RAP1B: variants seen among roughly 807,000 people sequenced by gnomAD.
The protein encoded by RAP1B is ras-related protein Rap-1b.
A neutral mutation model predicts 27.5 loss-of-function variants in RAP1B; 1 was observed. The ratio of observed to expected loss-of-function variants is 0.04; its 90% CI spans 0.01 to 0.17. The LOEUF (loss-of-function observed/expected upper bound fraction) is 0.17. Among genes scored for constraint, RAP1B ranks in the 10% least tolerant of loss-of-function variants. The probability of loss-of-function intolerance (pLI) is 1.00; values close to 1 mark genes in which losing one functional copy is unlikely to be tolerated. For synonymous variants in RAP1B, 75 were observed against 73.1 expected (o/e 1.03, Z -0.13); for missense variants, 84 against 214.8 (o/e 0.39, Z 3.81).
Position 68,648,694 on chromosome 12 carries a change from A to AT in RAP1B, c.-26-4dup. 6.3e-7 allele frequency: 1 copy of AT among 1,596,778 alleles called. No homozygotes were observed. The highest frequency in any genetic ancestry group is 8.5e-7 in the Non-Finnish European group (1 of 1,171,600). ...GAATTCTTTTTTTTTTTTTCCTTTAATAAGGTACTAGGTTTTGACAAGCTT... is the reference window on the plus strand; with the variant it reads ...GAATTCTTTTTTTTTTTTTCCTTTAATTAAGGTACTAGGTTTTGACAAGCTT... On this transcript the variant is annotated splice_region_variant and splice_polypyrimidine_tract_variant and intron_variant, in intron 1 of 7. Transcript: ENST00000250559.
At chr12:68,628,027 G>C (rs566595124) in intron 1 of RAP1B, among the ~76,000 whole-genome samples, 5 of 152,236 alleles carry the variant, frequency 3.3e-5, no homozygotes, top group African/African-American at 1.2e-4. Flanking sequence ...GATCGCTTGA[G>C]CCCAGGAGTT....
intron 1 of RAP1B, among the ~76,000 whole-genome samples, chr12:68,616,995 G>A (rs117891257): frequency 1.3e-5 from 2 of 152,224 alleles, no homozygotes; most frequent in African/African-American, 2.4e-5. Context: ...AACATGTTTT[G>A]TCTATTTAGT....
intron 2 of RAP1B, chr12:68,650,164 T>C (rs370007068): frequency 3.6e-5 from 10 of 276,934 alleles, no homozygotes; most frequent in South Asian, 2.7e-4. Flanking sequence ...TTTTTTAATA[T>C]ATGATCTCTA....
intron 4 of RAP1B, among the ~76,000 whole-genome samples, 186 bp downstream of exon 4, chr12:68,652,237 G>A (rs1873864939): frequency 6.6e-6 from 1 of 152,138 alleles, no homozygotes; most frequent in African/African-American, 2.4e-5. Flanking sequence ...CTTGAGGTCA[G>A]GAGTTCGAGA....
At chr12:68,658,148 A>G (rs1874361037) in intron 7 of RAP1B, among the ~76,000 whole-genome samples, 2 of 152,168 alleles carry the variant, frequency 1.3e-5, no homozygotes. Context: ...AGAACCTTTG[A>G]CATTCCTGAC....
chr12:68,668,844 G>C lies in RAP1B; in HGVS notation c.*9595G>C, dbSNP rs191157426. The stretch of plus-strand genomic sequence containing the variant: ...AAAGATCTGATAAGCTCTGATAGTT[G>C]GGAAATAATACTAGTTATTTCTTGG... On this transcript the variant is annotated 3_prime_UTR_variant, in exon 8 of 8. Coordinates refer to ENST00000250559, the MANE Select transcript of RAP1B (RefSeq NM_001010942.3). 6.6e-6 allele frequency: 1 copy of C among 152,212 alleles called. No individual in the cohort carries two copies. Among genetic ancestry groups the C allele is most frequent in the East Asian group, 1.9e-4 (1 of 5,180 alleles). 9.4% of individuals were successfully genotyped at this position (152,212 alleles called of 1,614,324 possible). A position where few individuals can be genotyped will look rare whatever the true frequency, so the allele number is the denominator to read the frequency against.
In RAP1B at chr12:68,653,985, T is replaced by A. The variant is rs558614537; in HGVS notation, c.184-127T>A. 4.7e-4 allele frequency: 395 copies of A among 843,838 alleles called. 1 individual carries two copies. The African/African-American group carries it at 6.1e-3, about 13-fold the overall frequency. The allele number at this position is 843,838 out of a possible 1,614,324, so 52.3% of individuals were successfully genotyped here. A position where few individuals can be genotyped will look rare whatever the true frequency, so the allele number is the denominator to read the frequency against. On this transcript the variant is annotated intron_variant, in intron 4 of 7. Transcript: ENST00000250559. ...TTTCAAATAGTATCTTGTCATAGAT[T>A]ATAATTTTAACAAAGTTACATAATA...
intron 1 of RAP1B, among the ~76,000 whole-genome samples, chr12:68,623,614 C>T (rs1592426322): frequency 1.3e-5 from 2 of 152,156 alleles, no homozygotes; most frequent in East Asian, 3.8e-4. Context: ...AAAATAGTCT[C>T]CCATCAGTGC....
intron 1 of RAP1B, among the ~76,000 whole-genome samples, chr12:68,617,200 A>C (rs1871089244): frequency 6.6e-6 from 1 of 152,206 alleles, no homozygotes. Context: ...AGGACTATAT[A>C]TATAATCTAT....
chr12:68,656,226 T>C, intron 5 of RAP1B, 80 bp from the exon 6 acceptor site: 2 of 1,292,308 alleles, frequency 1.5e-6, no homozygotes, highest in Admixed American at 4.6e-5. Flanking sequence ...ATTCTTAGAT[T>C]TGACTCTTAG....
At chr12:68,622,734 A>T (rs576092400) in intron 1 of RAP1B, among the ~76,000 whole-genome samples, 103 of 152,362 alleles carry the variant, frequency 6.8e-4, no homozygotes, top group African/African-American at 2.4e-3. Flanking sequence ...TTACTTTTCC[A>T]CCACTATCTC....
intron 1 of RAP1B, among the ~76,000 whole-genome samples, chr12:68,630,067 T>G (rs920301560): frequency 3.3e-5 from 5 of 152,162 alleles, no homozygotes; most frequent in African/African-American, 1.2e-4. Context: ...TCCCTTTGAG[T>G]CCTAGTTGAT....
chr12:68,642,996 T>G, intron 1 of RAP1B: 1 of 796,948 alleles, frequency 1.3e-6, no homozygotes, highest in Non-Finnish European at 2.3e-6. Context: ...CCAGCCATGT[T>G]GGGATTCTTC....
At position 68,668,327 on chromosome 12, in the gene RAP1B, T is replaced by C. The variant is rs1224345282; in HGVS notation, c.*9078T>C. ...AGAGGAGCCAGTTGCACAGTGTTGA[T>C]CTCCCTAAGACTATTATAATAAGGA... On this transcript the variant is annotated 3_prime_UTR_variant, in exon 8 of 8. Coordinates refer to ENST00000250559, the MANE Select transcript of RAP1B (RefSeq NM_001010942.3). 6.6e-6 allele frequency: 1 copy of C among 152,158 alleles called. No individual in the cohort carries two copies. The highest frequency in any genetic ancestry group is 1.9e-4 in the East Asian group (1 of 5,194). 9.4% of individuals were successfully genotyped at this position (152,158 alleles called of 1,614,324 possible). A position where few individuals can be genotyped will look rare whatever the true frequency, so the allele number is the denominator to read the frequency against.
chr12:68,658,143 C>T (rs911007072), intron 7 of RAP1B, among the ~76,000 whole-genome samples: 3 of 152,204 alleles, frequency 2.0e-5, no homozygotes, highest in Non-Finnish European at 2.9e-5. Context: ...TCTTAAGAAC[C>T]TTTGACATTC....
intron 1 of RAP1B, among the ~76,000 whole-genome samples, chr12:68,611,471 T>A (rs1050347085): frequency 6.6e-6 from 1 of 151,536 alleles, no homozygotes; most frequent in African/African-American, 2.4e-5. Flanking sequence ...TCGCCTGGGT[T>A]CCCTCCGTGG....
At chr12:68,650,153 A>T (rs1177918879) in intron 2 of RAP1B, 1 of 252,314 alleles carries the variant, frequency 4.0e-6, no homozygotes, top group Non-Finnish European at 7.5e-6. Context: ...GACATTTAAA[A>T]TTTTTTAATA....
At chr12:68,644,884 T>G (rs957296424) in intron 1 of RAP1B, among the ~76,000 whole-genome samples, 1 of 151,800 alleles carries the variant, frequency 6.6e-6, no homozygotes. Context: ...GGCTTTGCCA[T>G]GTTGGCCAGG....
At chr12:68,648,612 C>A in intron 1 of RAP1B, 87 bp from the exon 2 acceptor site, 1 of 1,084,044 alleles carries the variant, frequency 9.2e-7, no homozygotes, top group Non-Finnish European at 1.3e-6. Context: ...TTAAATAAAT[C>A]TATTTTCCTG....
Sources: gnomAD v4.1 joint callset for allele counts (sites outside exome capture counted in the v4.1 genomes callset) on GRCh38, gnomAD v4.1.1 for gene constraint, MANE v1.5 for transcripts, NCBI Gene and HGNC (gene_info 2026-07-23, HGNC 2026-07-21) for gene names.